Variants in MPP7 observed in about 807,000 individuals in gnomAD.
The protein encoded by MPP7 is MAGUK p55 subfamily member 7.
In MPP7, 60 loss-of-function variants were observed where a neutral mutation model predicts 76.5. The ratio of observed to expected loss-of-function variants is 0.78; its 90% CI spans 0.64 to 0.97. The LOEUF is 0.97. Among genes scored for constraint, MPP7 ranks in the 50% least tolerant of loss-of-function variants. The pLI is 0.00. For missense variants in MPP7, 641 were observed against 694.0 expected, an observed-to-expected ratio of 0.92 and a Z score of 0.86; for synonymous variants, 237 against 244.5, an observed-to-expected ratio of 0.97 and a Z score of 0.29.
chr10:28,262,277 ATTT>A lies in MPP7; in HGVS notation c.-131-23545_-131-23543del, dbSNP rs1195166638. ...TATATATGTATATATATATATATAT[ATTT>A]TTTTTTTTTTCTTCACCATGTTGGC... On this transcript the variant is annotated intron_variant, in intron 1 of 16. Coordinates refer to ENST00000683449, the MANE Select transcript of MPP7 (RefSeq NM_001318170.2). Among the ~76,000 whole-genome samples, 91 of 54,330 alleles carry A rather than the reference ATTT, an allele frequency of 1.7e-3. 1 individual carries two copies. The highest frequency in any genetic ancestry group is 7.4e-3 in the African/African-American group (89 of 12,042). 35.6% of individuals were successfully genotyped at this position (54,330 alleles called of 152,430 possible). A position where few individuals can be genotyped will look rare whatever the true frequency, so the allele number is the denominator to read the frequency against.
chr10:28,249,901 C>G (rs887262572), intron 1 of MPP7, among the ~76,000 whole-genome samples: 1 of 152,060 alleles, frequency 6.6e-6, no homozygotes, highest in Non-Finnish European at 1.5e-5. Context: ...GAATGATGTC[C>G]TCTTCAACTT....
intron 1 of MPP7, among the ~76,000 whole-genome samples, chr10:28,292,664 T>C (rs1007706189): frequency 2.6e-5 from 4 of 152,138 alleles, no homozygotes; most frequent in African/African-American, 9.7e-5. Context: ...AAAGCCATGG[T>C]TGAAAACTAC....
At chr10:28,098,934 A>G (rs1853691512) in intron 11 of MPP7, among the ~76,000 whole-genome samples, 1 of 152,188 alleles carries the variant, frequency 6.6e-6, no homozygotes, top group African/African-American at 2.4e-5. Context: ...AAGTACTTAC[A>G]GTTTCGAAAC....
At chr10:28,257,757 A>G (rs995668823) in intron 1 of MPP7, among the ~76,000 whole-genome samples, 19 of 140,662 alleles carry the variant, frequency 1.4e-4, no homozygotes, top group African/African-American at 4.4e-4. Flanking sequence ...AAAAAAAAAA[A>G]AAAGAAAAGA....
intron 2 of MPP7, among the ~76,000 whole-genome samples, chr10:28,324,683 T>C (rs1834395941): frequency 6.6e-6 from 1 of 152,206 alleles, no homozygotes; most frequent in African/African-American, 2.4e-5. Flanking sequence ...TAATGAGAAC[T>C]GGAGACAGGT....
chr10:28,131,844 AT>A (rs1835204491), intron 5 of MPP7, among the ~76,000 whole-genome samples, 153 bp from the exon 6 acceptor site: 1 of 152,200 alleles, frequency 6.6e-6, no homozygotes, highest in African/African-American at 2.4e-5. Context: ...AATTACTTGA[AT>A]AGGTTCCTCT....
chr10:28,292,142 C>T (rs995234356), intron 1 of MPP7, among the ~76,000 whole-genome samples: 3 of 152,184 alleles, frequency 2.0e-5, no homozygotes, highest in Non-Finnish European at 2.9e-5. Flanking sequence ...AGGACAGTAA[C>T]CTGCTGCACA....
chr10:28,220,681 C>T (rs16928623), intron 2 of MPP7, among the ~76,000 whole-genome samples: 5,316 of 152,176 alleles, frequency 0.035, 173 homozygotes, highest in African/African-American at 0.079. Context: ...TTGGTCATGG[C>T]AAGAGAAACC....
chr10:28,094,923 C>T (rs1853490575), intron 11 of MPP7, among the ~76,000 whole-genome samples: 1 of 152,024 alleles, frequency 6.6e-6, no homozygotes, highest in African/African-American at 2.4e-5. Context: ...CCACTGCACT[C>T]CAGCCTGGGC....
At chr10:28,333,820 C>T (rs1264035556) in intron 1 of MPP7, among the ~76,000 whole-genome samples, 4 of 152,184 alleles carry the variant, frequency 2.6e-5, no homozygotes, top group Non-Finnish European at 5.9e-5. Flanking sequence ...GAGGTTTCCT[C>T]CCAAACATCC....
At chr10:28,098,905 T>C (rs915662095) in intron 11 of MPP7, among the ~76,000 whole-genome samples, 3 of 151,892 alleles carry the variant, frequency 2.0e-5, no homozygotes, top group Non-Finnish European at 2.9e-5. Context: ...CTCACCTAAG[T>C]AGTAACGATG....
At chr10:28,131,727 A>G (rs1190848893) in intron 5 of MPP7, 36 bp from the exon 6 acceptor site, 1 of 1,248,880 alleles carries the variant, frequency 8.0e-7, no homozygotes, top group Admixed American at 2.2e-5. Context: ...ATAAGTAAAT[A>G]TACATACTTA....
At chr10:28,330,183 G>A (rs1347189130) in intron 1 of MPP7, among the ~76,000 whole-genome samples, 4 of 152,138 alleles carry the variant, frequency 2.6e-5, no homozygotes, top group Non-Finnish European at 4.4e-5. Flanking sequence ...TCCTTTCAAC[G>A]ACAACTATAA....
chr10:28,301,104 C>T (rs908500009), intron 1 of MPP7, among the ~76,000 whole-genome samples: 1 of 152,164 alleles, frequency 6.6e-6, no homozygotes, highest in Non-Finnish European at 1.5e-5. Context: ...TCAGCCTGTC[C>T]CACACTAATG....
chr10:28,241,669 A>G (rs954020495), intron 1 of MPP7, among the ~76,000 whole-genome samples: 2 of 152,192 alleles, frequency 1.3e-5, no homozygotes, highest in South Asian at 4.1e-4. Context: ...GGATTACCGA[A>G]TATTCTTAAA....
chr10:28,134,723 GC>G, intron 5 of MPP7, among the ~76,000 whole-genome samples: 1 of 152,076 alleles, frequency 6.6e-6, no homozygotes, highest in African/African-American at 2.4e-5. Flanking sequence ...AGAAACCTAT[GC>G]TTAATACATC....
At chr10:28,210,776 A>T (rs535358347) in intron 2 of MPP7, among the ~76,000 whole-genome samples, 21 of 152,370 alleles carry the variant, frequency 1.4e-4, no homozygotes, top group African/African-American at 4.8e-4. Flanking sequence ...TATAAAAAGT[A>T]ATATACTAAT....
intron 2 of MPP7, among the ~76,000 whole-genome samples, chr10:28,233,664 G>A (rs1838967122): frequency 6.7e-6 from 1 of 149,496 alleles, no homozygotes; most frequent in African/African-American, 2.5e-5. Context: ...CTTGCAATGA[G>A]CCTAGACAGC....
chr10:28,284,823 T>C (rs1047189265), intron 1 of MPP7, among the ~76,000 whole-genome samples: 1 of 152,208 alleles, frequency 6.6e-6, no homozygotes, highest in Non-Finnish European at 1.5e-5. Flanking sequence ...GAATACAATA[T>C]AAGATACATA....
Sources: gnomAD v4.1 joint callset for allele counts (sites outside exome capture counted in the v4.1 genomes callset) on GRCh38, gnomAD v4.1.1 for gene constraint, MANE v1.5 for transcripts, NCBI Gene and HGNC (gene_info 2026-07-23, HGNC 2026-07-21) for gene names.